MBIP: variants seen among roughly 807,000 people sequenced by gnomAD.
The protein encoded by MBIP is MAP3K12-binding inhibitory protein 1.
In MBIP, 32 loss-of-function variants were observed where a neutral mutation model predicts 45.7. That is an observed-to-expected ratio of 0.70 (90% confidence interval 0.53 to 0.94). The LOEUF (loss-of-function observed/expected upper bound fraction) is 0.94. MBIP is among the 40% of genes least tolerant of loss of function. The probability of loss-of-function intolerance (pLI) is 0.00; values close to 1 mark genes in which losing one functional copy is unlikely to be tolerated. For missense variants in MBIP, 381 were observed against 405.5 expected, an observed-to-expected ratio of 0.94 and a Z score of 0.52; for synonymous variants, 145 against 141.0, an observed-to-expected ratio of 1.03 and a Z score of -0.20.
intron 1 of MBIP, among the ~76,000 whole-genome samples, chr14:36,317,343 T>C (rs910677939): frequency 1.3e-5 from 2 of 152,322 alleles, no homozygotes; most frequent in African/African-American, 4.8e-5. Flanking sequence ...TAACCGATTT[T>C]TAAACTAATT....
chr14:36,304,441 ATAAAC>A (rs1879755135), intron 7 of MBIP, among the ~76,000 whole-genome samples: 1 of 152,242 alleles, frequency 6.6e-6, no homozygotes, highest in Non-Finnish European at 1.5e-5. Context: ...GATAAATGCT[ATAAAC>A]TAAACAATAT....
At position 36,298,726 on chromosome 14, in the gene MBIP, A is replaced by T. The variant is rs1594501572; in HGVS notation, c.*357T>A. ...TTAAACTAATAAACTGGTTAACATC[A>T]ATGTTACAAATATAAAGTCCTTTTA... On this transcript the variant is annotated 3_prime_UTR_variant, in exon 9 of 9. Transcript: ENST00000416007. 2 of 168,686 alleles carry T rather than the reference A, an allele frequency of 1.2e-5. No individual in the cohort carries two copies. The highest frequency in any genetic ancestry group is 3.4e-4 in the East Asian group (2 of 5,942). The allele number at this position is 168,686 out of a possible 1,614,324, so 10.4% of individuals were successfully genotyped here. A position where few individuals can be genotyped will look rare whatever the true frequency, so the allele number is the denominator to read the frequency against.
intron 7 of MBIP, among the ~76,000 whole-genome samples, chr14:36,307,406 T>A (rs1879947968): frequency 6.8e-6 from 1 of 147,768 alleles, no homozygotes; most frequent in Non-Finnish European, 1.5e-5. Context: ...GGTACTGCTT[T>A]AAAAAAAAAA....
rs926871459 is a variant in MBIP, at chr14:36,301,966, T to C, written c.889-1143A>G. On this transcript the variant is annotated intron_variant, in intron 7 of 8. Coordinates refer to ENST00000416007, the MANE Select transcript of MBIP (RefSeq NM_016586.3). ...CATTTTCCTTTGTGTCAAAAGTTGA[T>C]TCAAAGAACATCTAGGTATGCTTAT... Among the ~76,000 whole-genome samples the C allele has an allele frequency of 3.9e-5, 6 of 152,232 alleles. No individual in the cohort carries two copies. The South Asian group carries it at 1.2e-3, about 31-fold the overall frequency.
chr14:36,315,959 G>T, intron 2 of MBIP, among the ~76,000 whole-genome samples: 2 of 151,692 alleles, frequency 1.3e-5, no homozygotes. Flanking sequence ...TTATCTTTTT[G>T]ACACTTCACA....
chr14:36,299,957 T>TG (rs953568855), intron 8 of MBIP, among the ~76,000 whole-genome samples: 7 of 151,772 alleles, frequency 4.6e-5, no homozygotes, highest in African/African-American at 9.7e-5. Flanking sequence ...TACAGGGTTT[T>TG]GGGGGGGCAG....
At chr14:36,312,662 T>C (rs1310053482) in intron 4 of MBIP, among the ~76,000 whole-genome samples, 3 of 152,148 alleles carry the variant, frequency 2.0e-5, no homozygotes, top group African/African-American at 7.2e-5. Flanking sequence ...TCCCTATTTT[T>C]TTCCAAGCTG....
At chr14:36,299,460 T>TAAA (rs34724648) in intron 8 of MBIP, among the ~76,000 whole-genome samples, 11 of 143,230 alleles carry the variant, frequency 7.7e-5, no homozygotes, top group African/African-American at 2.8e-4. Context: ...AAGAATAAGT[T>TAAA]AAAAAAAAAA....
Position 36,312,037 on chromosome 14 carries a change from T to C in MBIP, c.572-13A>G. The C allele has an allele frequency of 6.7e-7, 1 of 1,483,034 alleles. No individual in the cohort carries two copies. Among genetic ancestry groups the C allele is most frequent in the Non-Finnish European group, 9.2e-7 (1 of 1,085,900 alleles). 91.9% of individuals were successfully genotyped at this position (1,483,034 alleles called of 1,614,324 possible). On this transcript the variant is annotated splice_polypyrimidine_tract_variant and intron_variant, in intron 4 of 8. Transcript: ENST00000416007. Reference sequence around the variant, plus strand: ...GCACAACTATTTTCTAAGGAGAATTTAGATAAATATAAGTTTAAATATATT... The same window carrying C: ...GCACAACTATTTTCTAAGGAGAATTCAGATAAATATAAGTTTAAATATATT...
In MBIP at chr14:36,317,687, T is replaced by G. The variant is rs564449020; in HGVS notation, c.130-875A>C. Among the ~76,000 whole-genome samples, 5 of 152,080 alleles carry G rather than the reference T, an allele frequency of 3.3e-5. No individual in the cohort carries two copies. In the South Asian group the frequency reaches 8.3e-4, roughly 25 times the overall value. On this transcript the variant is annotated intron_variant, in intron 1 of 8. Transcript: ENST00000416007. ...GCCCATCTGCAGTCTTTTGAATGAA[T>G]AAAAGTGAACCATCAAAAACTTTTC... is the stretch of plus-strand genomic sequence containing the variant.
intron 5 of MBIP, 80 bp from the exon 6 acceptor site, chr14:36,311,805 T>G: frequency 7.5e-7 from 1 of 1,324,940 alleles, no homozygotes; most frequent in South Asian, 1.5e-5. Context: ...GCACTTTATA[T>G]TTTTTTCATA....
chr14:36,311,504 T>G, intron 6 of MBIP, 69 bp downstream of exon 6: 1 of 1,471,482 alleles, frequency 6.8e-7, no homozygotes, highest in Non-Finnish European at 9.3e-7. Context: ...ATTTGGTGAC[T>G]AAATGAACTG....
intron 3 of MBIP, 31 bp from the exon 4 acceptor site, chr14:36,314,639 A>AT: frequency 6.2e-7 from 1 of 1,606,516 alleles, no homozygotes; most frequent in Non-Finnish European, 8.5e-7. Flanking sequence ...CAGTGTAAAC[A>AT]TAAGATTTTT....
At chr14:36,320,351 A>C in intron 1 of MBIP, 109 bp downstream of exon 1, 1 of 1,513,668 alleles carries the variant, frequency 6.6e-7, no homozygotes, top group African/African-American at 1.4e-5. Context: ...TCGGGACCGC[A>C]TCCCACACCT....
At chr14:36,315,107 A>G (rs1314041508) in intron 2 of MBIP, among the ~76,000 whole-genome samples, 192 bp from the exon 3 acceptor site, 1 of 152,072 alleles carries the variant, frequency 6.6e-6, no homozygotes. Flanking sequence ...TATTGTAACC[A>G]TTATCATTTG....
At chr14:36,311,760 G>A in intron 5 of MBIP, 35 bp from the exon 6 acceptor site, 1 of 1,528,380 alleles carries the variant, frequency 6.5e-7, no homozygotes, top group Non-Finnish European at 8.8e-7. Flanking sequence ...ATATACATTT[G>A]TATTTCAAAA....
intron 1 of MBIP, chr14:36,319,786 A>G (rs992071512): frequency 5.7e-6 from 1 of 175,242 alleles, no homozygotes; most frequent in Admixed American, 6.3e-5. Flanking sequence ...TGATCGAAGA[A>G]GCCCATTTCA....
At position 36,298,865 on chromosome 14, in the gene MBIP, G is replaced by A; in HGVS notation, c.*218C>T. 2 of 387,262 alleles carry A rather than the reference G, an allele frequency of 5.2e-6. No homozygotes were observed. Among genetic ancestry groups the A allele is most frequent in the South Asian group, 1.3e-4 (2 of 15,718 alleles). 24.0% of individuals were successfully genotyped at this position (387,262 alleles called of 1,614,324 possible). ...CCAAAATACCTCCTTTAAAACAGAAGGGAATAAATTCCAACAATGCTATTT... is the reference window on the plus strand; with the variant it reads ...CCAAAATACCTCCTTTAAAACAGAAAGGAATAAATTCCAACAATGCTATTT... On this transcript the variant is annotated 3_prime_UTR_variant, in exon 9 of 9. Coordinates refer to ENST00000416007, the MANE Select transcript of MBIP (RefSeq NM_016586.3).
rs1424112030 is a variant in MBIP at position 36,318,468 on chromosome 14, A to G, written c.130-1656T>C. On this transcript the variant is annotated intron_variant, in intron 1 of 8. Transcript: ENST00000416007. The stretch of plus-strand genomic sequence containing the variant: ...CAACAAATTCATTATTAGTAATATG[A>G]ACTCTATGCATTTTGCCCTACAGAA... Among the ~76,000 whole-genome samples, 5 of 151,968 alleles carry G rather than the reference A, an allele frequency of 3.3e-5. No individual in the cohort carries two copies. In the East Asian group the frequency reaches 9.6e-4, roughly 29 times the overall value.
Sources: allele counts gnomAD v4.1 joint callset (sites outside exome capture counted in the v4.1 genomes callset), GRCh38; gene constraint gnomAD v4.1.1; transcripts MANE v1.5; gene names NCBI Gene and HGNC (gene_info 2026-07-23, HGNC 2026-07-21).